Variants in SLC25A26 observed in about 807,000 individuals in gnomAD.
SLC25A26 encodes mitochondrial S-adenosylmethionine carrier protein.
SLC25A26 carries 36 observed loss-of-function variants against 37.8 expected under a neutral mutation model. The ratio of observed to expected loss-of-function variants is 0.95; its 90% confidence interval spans 0.73 to 1.26. The LOEUF is 1.26. Among genes scored for constraint, SLC25A26 ranks in the 50% most tolerant of loss-of-function variants. SLC25A26 has a pLI of 0.00. For synonymous variants in SLC25A26, 129 were observed against 122.5 expected (o/e 1.05, Z -0.35); for missense variants, 390 against 331.1 (o/e 1.18, Z -1.38).
intron 5 of SLC25A26, among the ~76,000 whole-genome samples, chr3:66,270,596 T>C (rs2073925513): frequency 6.6e-6 from 1 of 152,208 alleles, no homozygotes; most frequent in African/African-American, 2.4e-5. Context: ...TTTCCTCTTT[T>C]ATCATAGAGG....
rs148761079 is a variant in SLC25A26 at position 66,236,710 on chromosome 3, T to C, written c.190+10T>C. 4.5e-4 allele frequency: 676 copies of C among 1,497,650 alleles called. 3 individuals are homozygous for C. In the African/African-American group the frequency reaches 7.9e-3, roughly 17 times the overall value. 92.8% of individuals were successfully genotyped at this position (1,497,650 alleles called of 1,614,324 possible). A position where few individuals can be genotyped will look rare whatever the true frequency, so the allele number is the denominator to read the frequency against. On this transcript the variant is annotated intron_variant, in intron 2 of 9. Coordinates refer to ENST00000354883, the MANE Select transcript of SLC25A26 (RefSeq NM_001379210.1). ...GGATCCTTTCCTAATGGTAAAAAAT[T>C]ATATTCTCACTTCTGTAAAGCCAAG...
chr3:66,345,381 GC>G (rs1002808366), intron 5 of SLC25A26, among the ~76,000 whole-genome samples: 1 of 151,768 alleles, frequency 6.6e-6, no homozygotes, highest in Non-Finnish European at 1.5e-5. Flanking sequence ...TTTCTTCCTT[GC>G]CTCTTTTTTC....
intron 5 of SLC25A26, among the ~76,000 whole-genome samples, chr3:66,301,349 C>T (rs2075070394): frequency 6.6e-6 from 1 of 152,096 alleles, no homozygotes; most frequent in Non-Finnish European, 1.5e-5. Flanking sequence ...ATAATGCTGC[C>T]ACAGTGTGTA....
chr3:66,338,694 C>T (rs568399633), intron 5 of SLC25A26, among the ~76,000 whole-genome samples: 12 of 152,100 alleles, frequency 7.9e-5, no homozygotes, highest in South Asian at 2.1e-4. Context: ...AAGTACAGAG[C>T]TTCCTGCTTT....
At chr3:66,262,630 C>T (rs1163702792) in intron 4 of SLC25A26, among the ~76,000 whole-genome samples, 5 of 152,172 alleles carry the variant, frequency 3.3e-5, no homozygotes, top group Non-Finnish European at 7.4e-5. Context: ...CATTTAGCTG[C>T]TTTCCTTTAT....
At chr3:66,295,873 C>G (rs1012122111) in intron 5 of SLC25A26, among the ~76,000 whole-genome samples, 1 of 151,930 alleles carries the variant, frequency 6.6e-6, no homozygotes, top group African/African-American at 2.4e-5. Flanking sequence ...GTAATCCCAG[C>G]TTTGGGAAGC....
intron 3 of SLC25A26, among the ~76,000 whole-genome samples, chr3:66,246,666 T>TA (rs2072857323): frequency 6.6e-6 from 1 of 152,140 alleles, no homozygotes; most frequent in South Asian, 2.1e-4. Context: ...AGGACATTCT[T>TA]ACCTACATTG....
At chr3:66,202,632 C>T (rs2071126195) in intron 1 of SLC25A26, among the ~76,000 whole-genome samples, 1 of 151,544 alleles carries the variant, frequency 6.6e-6, no homozygotes, top group South Asian at 2.1e-4. Flanking sequence ...TTACTGGAGA[C>T]ACTTGTTCAA....
intron 1 of SLC25A26, among the ~76,000 whole-genome samples, chr3:66,206,801 C>T (rs1343000988): frequency 6.6e-6 from 1 of 151,040 alleles, no homozygotes; most frequent in African/African-American, 2.4e-5. Context: ...CACCTCTTGG[C>T]CTCAAGCAAT....
At chr3:66,209,442 GATATATATATAAAGGTGT>G (rs2071243747) in intron 1 of SLC25A26, among the ~76,000 whole-genome samples, 1 of 135,222 alleles carries the variant, frequency 7.4e-6, no homozygotes, top group African/African-American at 2.7e-5. Context: ...GTCACATAAA[GATATATATATAAAGGTGT>G]ATATATATAT....
intron 5 of SLC25A26, among the ~76,000 whole-genome samples, chr3:66,282,192 C>T (rs1324100086): frequency 6.6e-6 from 1 of 151,016 alleles, no homozygotes. Flanking sequence ...TTTGTATTTT[C>T]AGTAGAGACG....
chr3:66,247,697 G>C (rs970924116), intron 3 of SLC25A26, among the ~76,000 whole-genome samples: 20 of 152,184 alleles, frequency 1.3e-4, no homozygotes, highest in African/African-American at 3.9e-4. Flanking sequence ...GGAAATATTG[G>C]TTCTGATGCT....
rs1053921982 is a variant in SLC25A26 at position 66,345,602 on chromosome 3, CT to C, written c.454-761del. On this transcript the variant is annotated intron_variant, in intron 5 of 9. Coordinates refer to ENST00000354883, the MANE Select transcript of SLC25A26 (RefSeq NM_001379210.1). ...CTTTCCTTTTCTTCCACTCCTTTCT[CT>C]CTCCCCTTCTCTTCCTGCTCCCTCT... is the stretch of plus-strand genomic sequence containing the variant. Among the ~76,000 whole-genome samples, 93 of 151,370 alleles carry C rather than the reference CT, an allele frequency of 6.1e-4. 1 individual carries two copies. Among genetic ancestry groups the C allele is most frequent in the African/African-American group, 2.2e-3 (90 of 41,216 alleles).
intron 5 of SLC25A26, among the ~76,000 whole-genome samples, chr3:66,287,696 A>G (rs2074562141): frequency 6.6e-6 from 1 of 152,220 alleles, no homozygotes; most frequent in Admixed American, 6.5e-5. Context: ...TCCAAGCACG[A>G]AGGATCTTTG....
intron 5 of SLC25A26, among the ~76,000 whole-genome samples, chr3:66,329,054 G>A (rs1457283844): frequency 6.6e-6 from 1 of 152,132 alleles, no homozygotes; most frequent in Non-Finnish European, 1.5e-5. Flanking sequence ...GGCACATTGT[G>A]ATCACTAAGG....
chr3:66,350,709 TGTGTGAGCGCGCGC>T (rs1485663238), intron 6 of SLC25A26, among the ~76,000 whole-genome samples: 14 of 132,896 alleles, frequency 1.1e-4, no homozygotes, highest in Non-Finnish European at 1.8e-4. Flanking sequence ...TGTGTGTGTG[TGTGTGAGCGCGCGC>T]GTGCGCGCAC....
intron 3 of SLC25A26, among the ~76,000 whole-genome samples, chr3:66,243,909 G>C (rs966582680): frequency 6.6e-6 from 1 of 152,184 alleles, no homozygotes; most frequent in African/African-American, 2.4e-5. Context: ...TGTGGGCTCT[G>C]TCATGAAGGG....
intron 1 of SLC25A26, among the ~76,000 whole-genome samples, chr3:66,153,903 C>A (rs2070241980): frequency 6.6e-6 from 1 of 152,160 alleles, no homozygotes; most frequent in African/African-American, 2.4e-5. Flanking sequence ...TATTGACATT[C>A]GTTTTCACAG....
intron 1 of SLC25A26, among the ~76,000 whole-genome samples, chr3:66,205,540 A>T (rs1051451498): frequency 6.6e-6 from 1 of 152,240 alleles, no homozygotes; most frequent in African/African-American, 2.4e-5. Context: ...TGCAATATCA[A>T]CTATGCCAGT....
Sources: allele counts gnomAD v4.1 joint callset (sites outside exome capture counted in the v4.1 genomes callset), GRCh38; gene constraint gnomAD v4.1.1; transcripts MANE v1.5; gene names NCBI Gene and HGNC (gene_info 2026-07-23, HGNC 2026-07-21).